The following NR3C2 variants were observed in gnomAD, a reference collection of about 807,000 sequenced individuals.
NR3C2 encodes mineralocorticoid receptor.
Under a neutral mutation model 86.4 loss-of-function variants are expected in NR3C2, and 15 were observed. The observed-to-expected ratio is 0.17, with a 90% confidence interval of 0.12 to 0.27. The LOEUF (loss-of-function observed/expected upper bound fraction) is 0.27, where lower values mean the gene tolerates loss of function less well. Among genes scored for constraint, NR3C2 ranks in the 10% least tolerant of loss-of-function variants. The pLI, the probability that NR3C2 is intolerant of heterozygous loss-of-function variation, is 1.00. For synonymous variants in NR3C2, 458 were observed against 450.5 expected (o/e 1.02, Z -0.21); for missense variants, 960 against 1,195.6 (o/e 0.80, Z 2.91).
At chr4:148,400,915 T>A (rs752811682) in intron 2 of NR3C2, among the ~76,000 whole-genome samples, 1 of 152,188 alleles carries the variant, frequency 6.6e-6, no homozygotes, top group Non-Finnish European at 1.5e-5. Flanking sequence ...CATAACATCA[T>A]GTTGCATACC....
chr4:148,397,090 T>C (rs1579249795), intron 2 of NR3C2, among the ~76,000 whole-genome samples: 2 of 152,326 alleles, frequency 1.3e-5, no homozygotes, highest in African/African-American at 2.4e-5. Context: ...TTATACACCA[T>C]GGATTATATA....
At chr4:148,112,875 T>G (rs1368402308) in intron 8 of NR3C2, among the ~76,000 whole-genome samples, 2 of 152,180 alleles carry the variant, frequency 1.3e-5, no homozygotes, top group African/African-American at 4.8e-5. Flanking sequence ...TGGTCATCAA[T>G]GATGCCTGTC....
intron 2 of NR3C2, among the ~76,000 whole-genome samples, chr4:148,324,254 T>G (rs749938325): frequency 6.6e-6 from 1 of 152,226 alleles, no homozygotes; most frequent in Non-Finnish European, 1.5e-5. Flanking sequence ...TTTCATTTTA[T>G]GTAACATCCT....
intron 2 of NR3C2, among the ~76,000 whole-genome samples, chr4:148,354,027 T>C (rs1745430945): frequency 6.6e-6 from 1 of 152,138 alleles, no homozygotes; most frequent in African/African-American, 2.4e-5. Flanking sequence ...CTGCTAGACA[T>C]GTACAAAATT....
chr4:148,265,866 C>T (rs559390013), intron 2 of NR3C2, among the ~76,000 whole-genome samples: 244 of 152,176 alleles, frequency 1.6e-3, no homozygotes, highest in Non-Finnish European at 2.8e-3. Context: ...CGGTGGGCCC[C>T]ACTGTTCTAA....
At chr4:148,330,928 C>T (rs1744201185) in intron 2 of NR3C2, among the ~76,000 whole-genome samples, 1 of 152,184 alleles carries the variant, frequency 6.6e-6, no homozygotes, top group Non-Finnish European at 1.5e-5. Flanking sequence ...CCTACTCCAC[C>T]TTCACCTTCC....
chr4:148,444,060 G>A (rs906477616), upstream of NR3C2: 44 of 985,232 alleles, frequency 4.5e-5, no homozygotes, highest in African/African-American at 7.3e-4. Flanking sequence ...GGGGCCCACC[G>A]TCACGCGCAC....
chr4:148,428,801 T>G (rs1055596956), intron 2 of NR3C2, among the ~76,000 whole-genome samples: 1 of 152,124 alleles, frequency 6.6e-6, no homozygotes, highest in Non-Finnish European at 1.5e-5. Context: ...TTAACAAGGC[T>G]CTTTATACTC....
At chr4:148,189,188 CAA>C (rs1025561205) in intron 4 of NR3C2, among the ~76,000 whole-genome samples, 4 of 152,132 alleles carry the variant, frequency 2.6e-5, no homozygotes, top group African/African-American at 9.7e-5. Context: ...CTCAGTCTCC[CAA>C]AGTGTTGGCA....
intron 3 of NR3C2, among the ~76,000 whole-genome samples, chr4:148,253,966 T>C (rs1739701584): frequency 2.0e-5 from 3 of 152,106 alleles, no homozygotes; most frequent in Admixed American, 1.3e-4. Context: ...TGCTCCAGTA[T>C]TCCTTATCTC....
rs777846193 is a variant in NR3C2, at chr4:148,435,750, C to T, written c.1111G>A (p.Glu371Lys). ...SPDTQEKGAQEVPFPKTEEVE... is the reference protein window; with the variant it reads ...SPDTQEKGAQKVPFPKTEEVE... ...TCCTCAGTCTTAGGAAAAGGGACCT[C>T]TTGAGCACCTTTCTCCTGCGTGTCT... The change falls in exon 2 of 9, where the codon GAG (glutamate) becomes AAG (lysine). Residue 371 changes from glutamate to lysine, a missense_variant. By Grantham distance (56) the Glu-to-Lys change is moderately conservative. Coordinates refer to ENST00000358102, the MANE Select transcript of NR3C2 (RefSeq NM_000901.5). 8 of 1,614,188 alleles carry T rather than the reference C, an allele frequency of 5.0e-6. No individual in the cohort carries two copies. The South Asian group carries it at 7.7e-5, about 16-fold the overall frequency.
At chr4:148,130,649 G>A (rs1166852763) in intron 6 of NR3C2, among the ~76,000 whole-genome samples, 1 of 152,064 alleles carries the variant, frequency 6.6e-6, no homozygotes, top group African/African-American at 2.4e-5. Context: ...CAATAAACAG[G>A]AACAGGTAAA....
intron 3 of NR3C2, among the ~76,000 whole-genome samples, chr4:148,253,924 A>G (rs1739699601): frequency 6.6e-6 from 1 of 152,122 alleles, no homozygotes; most frequent in Non-Finnish European, 1.5e-5. Context: ...TGAGCAAATG[A>G]ACCTTTCATC....
intron 2 of NR3C2, among the ~76,000 whole-genome samples, chr4:148,386,109 C>T (rs1747250729): frequency 6.6e-6 from 1 of 152,144 alleles, no homozygotes; most frequent in South Asian, 2.1e-4. Context: ...GGAAACCACT[C>T]TAAATCCCTC....
intron 2 of NR3C2, among the ~76,000 whole-genome samples, chr4:148,386,596 G>A (rs1747272945): frequency 6.6e-6 from 1 of 152,184 alleles, no homozygotes; most frequent in Non-Finnish European, 1.5e-5. Flanking sequence ...GCTGAAAGGA[G>A]GAAACCCTTA....
At chr4:148,275,720 G>T (rs11722968) in intron 2 of NR3C2, among the ~76,000 whole-genome samples, 7,944 of 152,186 alleles carry the variant, frequency 0.052, 256 homozygotes, top group African/African-American at 0.099. Context: ...GTGAGCCACA[G>T]TGCCCAGATG....
At chr4:148,204,857 T>C (rs975298987) in intron 3 of NR3C2, among the ~76,000 whole-genome samples, 5 of 152,194 alleles carry the variant, frequency 3.3e-5, no homozygotes, top group Non-Finnish European at 7.3e-5. Context: ...CCACCACTTT[T>C]TGCCTGATCT....
At chr4:148,271,495 G>A (rs1178850598) in intron 2 of NR3C2, among the ~76,000 whole-genome samples, 1 of 151,932 alleles carries the variant, frequency 6.6e-6, no homozygotes, top group Non-Finnish European at 1.5e-5. Flanking sequence ...GGCACACACT[G>A]AACTAGTGCT....
intron 6 of NR3C2, among the ~76,000 whole-genome samples, chr4:148,147,076 T>C (rs988364855): frequency 6.6e-6 from 1 of 152,244 alleles, no homozygotes; most frequent in Non-Finnish European, 1.5e-5. Context: ...TAATTAATCA[T>C]TTAATACATA....
Sources: gnomAD v4.1 joint callset for allele counts (sites outside exome capture counted in the v4.1 genomes callset) on GRCh38, gnomAD v4.1.1 for gene constraint, MANE v1.5 for transcripts, NCBI Gene and HGNC (gene_info 2026-07-23, HGNC 2026-07-21) for gene names.